The following DCAF5 variants were observed in gnomAD, a reference collection of about 807,000 sequenced individuals.
The protein encoded by DCAF5 is DDB1 and CUL4 associated factor 5, also known as DDB1- and CUL4-associated factor 5.
A neutral mutation model predicts 80.7 loss-of-function variants in DCAF5; 9 were observed. The observed-to-expected ratio is 0.11, with a 90% CI of 0.07 to 0.19. The LOEUF is 0.19. DCAF5 is among the 10% of genes least tolerant of loss of function. DCAF5 has a pLI of 1.00. For missense variants in DCAF5, 842 were observed against 1,205.7 expected (o/e 0.70, Z 4.47); for synonymous variants, 433 against 461.9 (o/e 0.94, Z 0.80).
chr14:69,086,623 A>T (rs1012895418), intron 6 of DCAF5, among the ~76,000 whole-genome samples: 107 of 145,308 alleles, frequency 7.4e-4, no homozygotes, highest in East Asian at 5.0e-3. Flanking sequence ...GAGTTATTAA[A>T]AAAAAAAAAA....
rs12436807 is a variant in DCAF5, at chr14:69,102,591, G to C, written c.666-10704C>G. Among the ~76,000 whole-genome samples the C allele has an allele frequency of 6.4e-5, 8 of 124,904 alleles. No homozygotes were observed. In the East Asian group the frequency reaches 8.8e-4, roughly 14 times the overall value. The allele number at this position is 124,904 out of a possible 152,430, so 81.9% of individuals were successfully genotyped here. A position where few individuals can be genotyped will look rare whatever the true frequency, so the allele number is the denominator to read the frequency against. On this transcript the variant is annotated intron_variant, in intron 5 of 8. Coordinates refer to ENST00000341516, the MANE Select transcript of DCAF5 (RefSeq NM_003861.3). ...AACTTTTTATTTTGTTAAAAACAAAGACACACACACACACACACACACACA... is the reference window on the plus strand; with the variant it reads ...AACTTTTTATTTTGTTAAAAACAAACACACACACACACACACACACACACA...
At position 69,055,143 on chromosome 14, in the gene DCAF5, C is replaced by A. The variant is rs753833104; in HGVS notation, c.1543G>T (p.Ala515Ser). The change falls in exon 9 of 9, where the codon GCT (alanine) becomes TCT (serine). Residue 515 changes from alanine (A) to serine (S), a missense_variant. Coordinates refer to ENST00000341516, the MANE Select transcript of DCAF5 (RefSeq NM_003861.3). The surrounding 1 kb of genome is among the most constrained non-coding windows in gnomAD (Gnocchi z 5.6). The stretch of plus-strand genomic sequence containing the variant: ...CGTTTGTCTTGGTAGCGCCGCAGAG[C>A]AGACAGACGCTGCTGGCGAGAGGCT... The part of the protein sequence containing the change: ...DAASRQQRLS[A>S]LRRYQDKRLL... 2.5e-6 allele frequency: 4 copies of A among 1,614,118 alleles called. No individual in the cohort carries two copies. Among genetic ancestry groups the A allele is most frequent in the East Asian group, 2.2e-5 (1 of 44,898 alleles).
At chr14:69,068,170 ATC>A (rs1165991200) in intron 7 of DCAF5, among the ~76,000 whole-genome samples, 2 of 151,878 alleles carry the variant, frequency 1.3e-5, no homozygotes, top group Admixed American at 1.3e-4. Context: ...TCCTTTTTTC[ATC>A]TCTGTTATAT....
Position 69,152,737 on chromosome 14 carries a change from C to G in DCAF5, c.214+28G>C, listed in dbSNP as rs375667888. ...GGGAGGCTGGGAGGGTGCGGGGAGG[C>G]GCGGGGAGGGGAAGGGGGTTGATTT... is the stretch of plus-strand genomic sequence containing the variant. On this transcript the variant is annotated intron_variant, in intron 1 of 8. Transcript: ENST00000341516. This position sits in a 1 kb window ranked among gnomAD's most constrained non-coding sequence, Gnocchi z 4.1. 6 of 1,572,554 alleles carry G rather than the reference C, an allele frequency of 3.8e-6. No homozygotes were observed. In the Admixed American group the frequency reaches 6.9e-5, roughly 18 times the overall value.
At chr14:69,089,850 C>A in intron 6 of DCAF5, 1 of 828,892 alleles carries the variant, frequency 1.2e-6, no homozygotes, top group Non-Finnish European at 1.5e-6. Flanking sequence ...ATACTGCTAA[C>A]CATCTTATAA....
At chr14:69,123,922 A>T (rs970785680) in intron 1 of DCAF5, among the ~76,000 whole-genome samples, 1 of 151,764 alleles carries the variant, frequency 6.6e-6, no homozygotes, top group Non-Finnish European at 1.5e-5. Flanking sequence ...CTGGTCTCAA[A>T]CTCCTGACCT....
chr14:69,104,055 C>T (rs1242824385), intron 5 of DCAF5, among the ~76,000 whole-genome samples: 1 of 152,142 alleles, frequency 6.6e-6, no homozygotes, highest in African/African-American at 2.4e-5. Context: ...CTGCTATGAA[C>T]ATTCATGTAC....
In DCAF5 at chr14:69,055,329, G is replaced by A. The variant is rs548708375; in HGVS notation, c.1357C>T (p.Arg453Cys). ...GACTCTGAGTCAGTGTAGCCTGAGC[G>A]CTCGCTGACCCCAGCGTGCAGTTGG... ...ILQLHAGVSE[R>C]SGYTDSESSA... Residue 453 changes from arginine (R) to cysteine (C), a missense_variant, in exon 9 of 9, where the codon CGC becomes TGC. By Grantham distance (180) the Arg-to-Cys change is radical (BLOSUM62 -3). Coordinates refer to ENST00000341516, the MANE Select transcript of DCAF5 (RefSeq NM_003861.3). The surrounding 1 kb of genome is among the most constrained non-coding windows in gnomAD (Gnocchi z 5.6). The A allele has an allele frequency of 1.2e-6, 2 of 1,614,142 alleles. No homozygotes were observed. Among genetic ancestry groups the A allele is most frequent in the South Asian group, 1.1e-5 (1 of 91,086 alleles).
At chr14:69,063,139 T>A (rs144436627) in intron 7 of DCAF5, among the ~76,000 whole-genome samples, 1 of 152,160 alleles carries the variant, frequency 6.6e-6, no homozygotes, top group African/African-American at 2.4e-5. Context: ...GGTCCAAGTA[T>A]TGAAAATCAG....
intron 1 of DCAF5, among the ~76,000 whole-genome samples, chr14:69,128,196 T>C (rs1275411): frequency 0.24 from 36,384 of 150,212 alleles, 5,639 homozygotes; most frequent in Middle Eastern, 0.43. Context: ...TCTTCTTCTT[T>C]TTTTTTTTTT....
At chr14:69,076,273 G>T (rs1566733661) in intron 6 of DCAF5, among the ~76,000 whole-genome samples, 2 of 152,288 alleles carry the variant, frequency 1.3e-5, no homozygotes, top group East Asian at 3.9e-4. Flanking sequence ...ACATGATGCA[G>T]CAATTACAAT....
intron 1 of DCAF5, among the ~76,000 whole-genome samples, chr14:69,131,102 T>C (rs1456726434): frequency 6.6e-6 from 1 of 152,180 alleles, no homozygotes; most frequent in Non-Finnish European, 1.5e-5. Flanking sequence ...TTGTTTTAGG[T>C]AGCATTAAGA....
chr14:69,067,322 C>T (rs908622434), intron 7 of DCAF5, among the ~76,000 whole-genome samples: 2 of 146,580 alleles, frequency 1.4e-5, no homozygotes, highest in African/African-American at 5.0e-5. Flanking sequence ...CATCTTCCTG[C>T]AGCCGATTTC....
intron 6 of DCAF5, among the ~76,000 whole-genome samples, chr14:69,077,668 C>CGCCTA (rs1440630173): frequency 1.3e-5 from 2 of 152,132 alleles, no homozygotes; most frequent in Non-Finnish European, 2.9e-5. Flanking sequence ...ATAGGCTACA[C>CGCCTA]GCCTAGCCAG....
chr14:69,081,053 T>C (rs983057309), intron 6 of DCAF5, among the ~76,000 whole-genome samples: 3 of 143,718 alleles, frequency 2.1e-5, no homozygotes, highest in Admixed American at 1.3e-4. Context: ...AAAAAATAAA[T>C]AATAAGATTT....
At position 69,133,551 on chromosome 14, in the gene DCAF5, A is replaced by AG. The variant is rs147278299; in HGVS notation, c.215-11192dup. Among the ~76,000 whole-genome samples the AG allele has an allele frequency of 5.3e-3, 803 of 151,962 alleles. 6 individuals are homozygous for AG. The highest frequency in any genetic ancestry group is 0.018 in the African/African-American group (762 of 41,446). ...AAATCGAAACCAGTAGGCAGGGAAG[A>AG]GGCGGGGGTACAGGCAGGTCTGGAG... On this transcript the variant is annotated intron_variant, in intron 1 of 8. Transcript: ENST00000341516.
At chr14:69,148,994 G>A (rs2041626521) in intron 1 of DCAF5, among the ~76,000 whole-genome samples, 1 of 152,098 alleles carries the variant, frequency 6.6e-6, no homozygotes, top group South Asian at 2.1e-4. Flanking sequence ...ATCTGCACTG[G>A]TCTATTAACA....
Position 69,108,535 on chromosome 14 carries a change from A to C in DCAF5, c.665+7831T>G, listed in dbSNP as rs536097285. Among the ~76,000 whole-genome samples, 214 of 152,286 alleles carry C rather than the reference A, an allele frequency of 1.4e-3. 5 individuals are homozygous for C. The South Asian group carries it at 0.028, about 20-fold the overall frequency. ...AGTGGCCAAGCACTAACACAGAGCA[A>C]AGATGTTTATGGCAGAGGGAGGGAG... is the stretch of plus-strand genomic sequence containing the variant. On this transcript the variant is annotated intron_variant, in intron 5 of 8. Coordinates refer to ENST00000341516, the MANE Select transcript of DCAF5 (RefSeq NM_003861.3).
intron 1 of DCAF5, among the ~76,000 whole-genome samples, chr14:69,141,461 G>A (rs1392328697): frequency 4.6e-5 from 7 of 151,888 alleles, no homozygotes; most frequent in Admixed American, 2.6e-4. Context: ...CCATTAACTC[G>A]TCATTTACAT....
Sources: allele counts gnomAD v4.1 joint callset (sites outside exome capture counted in the v4.1 genomes callset), GRCh38; gene constraint gnomAD v4.1.1; non-coding constraint Gnocchi (gnomAD v3.1); transcripts MANE v1.5; gene names NCBI Gene and HGNC (gene_info 2026-07-23, HGNC 2026-07-21).